The following CAMK2A variants were observed in gnomAD, a reference collection of about 807,000 sequenced individuals.
CAMK2A encodes calcium/calmodulin dependent protein kinase II alpha.
A neutral mutation model predicts 79.2 loss-of-function variants in CAMK2A; 7 were observed. The ratio of observed to expected loss-of-function variants is 0.09; its 90% CI spans 0.05 to 0.17. CAMK2A has a LOEUF of 0.17. CAMK2A is among the 10% of genes least tolerant of loss of function. The pLI is 1.00. For synonymous variants in CAMK2A, 242 were observed against 251.7 expected, an observed-to-expected ratio of 0.96 and a Z score of 0.36; for missense variants, 214 against 646.4, an observed-to-expected ratio of 0.33 and a Z score of 7.25.
At position 150,223,027 on chromosome 5, in the gene CAMK2A, G is replaced by C. The variant is rs202174183; in HGVS notation, c.1428C>G (p.Val476=). The stretch of plus-strand genomic sequence containing the variant: ...AGGGCGCCCCAGATCTGTGGAAGTG[G>C]ACGATCTGCCATTTGCCATCCCGGC... ...WHRRDGKWQI[V]HFHRSGAPSV... The change falls in exon 18 of 19, where the codon GTC becomes GTG. Residue 476 remains valine (V), a synonymous_variant. Transcript: ENST00000671881. The surrounding 1 kb of genome is among the most constrained non-coding windows in gnomAD (Gnocchi z 4.1). 6.2e-7 allele frequency: 1 copy of C among 1,614,234 alleles called. No homozygotes were observed. The highest frequency in any genetic ancestry group is 8.5e-7 in the Non-Finnish European group (1 of 1,180,042).
At chr5:150,224,765 G>A (rs1181316101) in intron 17 of CAMK2A, among the ~76,000 whole-genome samples, 1 of 152,078 alleles carries the variant, frequency 6.6e-6, no homozygotes, top group Non-Finnish European at 1.5e-5. Context: ...AGGCATACAA[G>A]ACCAACATAT....
intron 6 of CAMK2A, among the ~76,000 whole-genome samples, chr5:150,255,414 C>G (rs1478311381): frequency 6.6e-6 from 1 of 152,272 alleles, no homozygotes; most frequent in Non-Finnish European, 1.5e-5. Context: ...GAAGCATGCC[C>G]AGGGAAGGTG....
chr5:150,273,853 T>C (rs1424198146), intron 1 of CAMK2A, among the ~76,000 whole-genome samples: 1 of 152,256 alleles, frequency 6.6e-6, no homozygotes, highest in Non-Finnish European at 1.5e-5. Flanking sequence ...CTATAGCCAT[T>C]ACAAACAATG....
rs75100591 is a variant in CAMK2A, at chr5:150,272,909, G to T, written c.157+156C>A. ...AAAGGAAAAGAAGGAAAAAGGGAAGGTCTATTCTCATGACACCCCGGGAAG... is the reference window on the plus strand; with the variant it reads ...AAAGGAAAAGAAGGAAAAAGGGAAGTTCTATTCTCATGACACCCCGGGAAG... On this transcript the variant is annotated intron_variant, in intron 2 of 18. Coordinates refer to ENST00000671881, the MANE Select transcript of CAMK2A (RefSeq NM_015981.4). Among the ~76,000 whole-genome samples the T allele has an allele frequency of 3.7e-3, 566 of 151,630 alleles. 1 individual carries two copies. Among genetic ancestry groups the T allele is most frequent in the African/African-American group, 0.013 (540 of 41,298 alleles).
At chr5:150,245,894 C>T (rs1358045877) in intron 12 of CAMK2A, among the ~76,000 whole-genome samples, 1 of 152,272 alleles carries the variant, frequency 6.6e-6, no homozygotes, top group Non-Finnish European at 1.5e-5. Context: ...CCTCCCTCCT[C>T]ACCTCCTGGC....
At chr5:150,228,339 C>T in intron 16 of CAMK2A, 53 bp from the exon 17 acceptor site, 1 of 1,286,366 alleles carries the variant, frequency 7.8e-7, no homozygotes, top group Non-Finnish European at 1.1e-6. Flanking sequence ...CTCATTGGAC[C>T]CTTGGAGGGT....
Position 150,222,979 on chromosome 5 carries a change from G to A in CAMK2A, c.1466+10C>T. 3.1e-6 allele frequency: 5 copies of A among 1,609,924 alleles called. No individual in the cohort carries two copies. Among genetic ancestry groups the A allele is most frequent in the South Asian group, 1.1e-5 (1 of 90,984 alleles). On this transcript the variant is annotated intron_variant, in intron 18 of 18. Transcript: ENST00000671881. ...CATTACCCTGGGAGGCAGGAAGGAG[G>A]GATTCTTACTGGGGCAGGACGGAGG... is the stretch of plus-strand genomic sequence containing the variant.
At chr5:150,242,305 G>A (rs61516392) in intron 13 of CAMK2A, among the ~76,000 whole-genome samples, 173 of 152,282 alleles carry the variant, frequency 1.1e-3, no homozygotes, top group African/African-American at 4.0e-3. Flanking sequence ...AGTAGAAACC[G>A]CATCTCTTAG....
In CAMK2A at chr5:150,239,577, C is replaced by A. The variant is rs1443857411; in HGVS notation, c.1017+127G>T. 8.6e-6 allele frequency: 7 copies of A among 812,418 alleles called. No homozygotes were observed. In the East Asian group the frequency reaches 1.7e-4, roughly 20 times the overall value. The allele number at this position is 812,418 out of a possible 1,614,324, so 50.3% of individuals were successfully genotyped here. On this transcript the variant is annotated intron_variant, in intron 14 of 18. Transcript: ENST00000671881. ...AACACACATATTGTCACACAAGGCA[C>A]ACGTACCAAGCACGCCCTGAGCACC...
chr5:150,222,178 A>G lies in CAMK2A; in HGVS notation c.*532T>C, dbSNP rs2114009238. The G allele has an allele frequency of 2.8e-6, 1 of 360,084 alleles. No homozygotes were observed. The highest frequency in any genetic ancestry group is 5.3e-6 in the Non-Finnish European group (1 of 189,838). 22.3% of individuals were successfully genotyped at this position (360,084 alleles called of 1,614,324 possible). On this transcript the variant is annotated 3_prime_UTR_variant, in exon 19 of 19. Transcript: ENST00000671881. Reference sequence around the variant, plus strand: ...GCACAGGAGGAAGAAGACTTAGGGGAGCACTTTGAGGCAGGAGGCTCCTGG... The same window carrying G: ...GCACAGGAGGAAGAAGACTTAGGGGGGCACTTTGAGGCAGGAGGCTCCTGG...
chr5:150,251,589 C>G (rs1318172602), intron 9 of CAMK2A, among the ~76,000 whole-genome samples, 161 bp downstream of exon 9: 3 of 152,212 alleles, frequency 2.0e-5, no homozygotes, highest in Non-Finnish European at 2.9e-5. Flanking sequence ...CAAGATAAAT[C>G]TCCAATCATT....
intron 3 of CAMK2A, among the ~76,000 whole-genome samples, chr5:150,259,519 CAAAATA>C (rs1756213327): frequency 6.6e-6 from 1 of 151,794 alleles, no homozygotes; most frequent in African/African-American, 2.4e-5. Context: ...GAGAATGTCT[CAAAATA>C]ATCACAATAA....
chr5:150,264,170 A>G (rs932563859), intron 3 of CAMK2A, among the ~76,000 whole-genome samples: 23 of 152,192 alleles, frequency 1.5e-4, no homozygotes, highest in African/African-American at 5.3e-4. Context: ...TCCTGGCCCC[A>G]TCCCAGGCCC....
intron 6 of CAMK2A, among the ~76,000 whole-genome samples, chr5:150,255,917 T>C (rs1580928045): frequency 6.6e-6 from 1 of 152,100 alleles, no homozygotes; most frequent in African/African-American, 2.4e-5. Flanking sequence ...CAATATGAAC[T>C]ACCAGCCACT....
At chr5:150,226,952 A>T (rs1754631305) in intron 17 of CAMK2A, among the ~76,000 whole-genome samples, 1 of 151,372 alleles carries the variant, frequency 6.6e-6, no homozygotes, top group African/African-American at 2.4e-5. Flanking sequence ...TTGTATTTTT[A>T]GTAGAGATGG....
At position 150,289,680 on chromosome 5, in the gene CAMK2A, C is replaced by T; in HGVS notation, c.-55G>A. On this transcript the variant is annotated 5_prime_UTR_variant, in exon 1 of 19. Coordinates refer to ENST00000671881, the MANE Select transcript of CAMK2A (RefSeq NM_015981.4). The stretch of plus-strand genomic sequence containing the variant: ...GGACTGGGGGACCAGGACTGAGGCG[C>T]TGCTGCTCTGCTCCCGAACCTAGGG... The T allele has an allele frequency of 1.4e-6, 2 of 1,423,556 alleles. No individual in the cohort carries two copies. Among genetic ancestry groups the T allele is most frequent in the Admixed American group, 1.7e-5 (1 of 58,912 alleles). The allele number at this position is 1,423,556 out of a possible 1,614,324, so 88.2% of individuals were successfully genotyped here.
At chr5:150,289,417 C>A in intron 1 of CAMK2A, 147 bp downstream of exon 1, 1 of 666,730 alleles carries the variant, frequency 1.5e-6, no homozygotes. Context: ...ACACTCTGTA[C>A]ACAGGCAGGT....
intron 2 of CAMK2A, among the ~76,000 whole-genome samples, chr5:150,266,693 C>T (rs776103221): frequency 6.6e-6 from 1 of 152,162 alleles, no homozygotes; most frequent in Non-Finnish European, 1.5e-5. Context: ...GCTTTCAATC[C>T]TGGGCTATAC....
intron 1 of CAMK2A, among the ~76,000 whole-genome samples, chr5:150,273,932 A>T (rs1168873429): frequency 6.6e-6 from 1 of 152,168 alleles, no homozygotes; most frequent in African/African-American, 2.4e-5. Context: ...TCTGTGTGGG[A>T]TACATTTCCA....
Sources: allele counts gnomAD v4.1 joint callset (sites outside exome capture counted in the v4.1 genomes callset), GRCh38; gene constraint gnomAD v4.1.1; non-coding constraint Gnocchi (gnomAD v3.1); transcripts MANE v1.5; gene names NCBI Gene and HGNC (gene_info 2026-07-23, HGNC 2026-07-21).